The following DSCAML1 variants were observed in gnomAD, a reference collection of about 807,000 sequenced individuals.
The protein encoded by DSCAML1 is cell adhesion molecule DSCAML1.
In DSCAML1, 38 loss-of-function variants were observed where a neutral mutation model predicts 200.5. The observed-to-expected ratio is 0.19, with a 90% CI of 0.15 to 0.25. The LOEUF (loss-of-function observed/expected upper bound fraction) is 0.25, where lower values mean the gene tolerates loss of function less well. DSCAML1 is among the 10% of genes least tolerant of loss of function. DSCAML1 has a pLI of 1.00. For synonymous variants in DSCAML1, 1,215 were observed against 1,165.0 expected (o/e 1.04, Z -0.87); for missense variants, 2,223 against 2,858.8 (o/e 0.78, Z 5.07).
rs569050015 is a variant in DSCAML1 at position 117,542,138 on chromosome 11, C to T, written c.512-9616G>A. 1.2e-4 allele frequency among the ~76,000 whole-genome samples: 18 copies of T among 152,078 alleles called. No individual in the cohort carries two copies. The South Asian group carries it at 1.7e-3, about 14-fold the overall frequency. On this transcript the variant is annotated intron_variant, in intron 3 of 32. Transcript: ENST00000651296. ...CAGCCTGGGCAACATGGTGAAACCC[C>T]GTCTCTACTAAAATACAAAAATTAG...
intron 3 of DSCAML1, among the ~76,000 whole-genome samples, chr11:117,637,557 G>A (rs1312518883): frequency 1.3e-5 from 2 of 152,116 alleles, no homozygotes; most frequent in Non-Finnish European, 2.9e-5. Flanking sequence ...ATGTTGGTCA[G>A]TCTGGTCTCA....
Position 117,480,004 on chromosome 11 carries a change from C to G in DSCAML1, c.2785+439G>C, listed in dbSNP as rs1018250016. ...AGCTTTTCCAGGGCCTCCTATCCCC[C>G]ACTCATGGGGACCATTCTTAGGACC... On this transcript the variant is annotated intron_variant, in intron 14 of 32. Transcript: ENST00000651296. This position sits in a 1 kb window ranked among gnomAD's most constrained non-coding sequence, Gnocchi z 4.1. 6.6e-6 allele frequency among the ~76,000 whole-genome samples: 1 copy of G among 152,140 alleles called. No individual in the cohort carries two copies. Among genetic ancestry groups the G allele is most frequent in the Admixed American group, 6.5e-5 (1 of 15,282 alleles).
chr11:117,591,492 A>G (rs2051258532), intron 3 of DSCAML1, among the ~76,000 whole-genome samples: 1 of 152,252 alleles, frequency 6.6e-6, no homozygotes, highest in South Asian at 2.1e-4. Context: ...ACTGTATTGT[A>G]TCAGAGCTGC....
chr11:117,525,718 T>C (rs11605509), intron 4 of DSCAML1, among the ~76,000 whole-genome samples: 35,950 of 152,028 alleles, frequency 0.24, 4,461 homozygotes, highest in East Asian at 0.35. Flanking sequence ...CCTTGGCCTC[T>C]GAAAATGCTG....
At chr11:117,466,859 A>G (rs1208811428) in intron 16 of DSCAML1, among the ~76,000 whole-genome samples, 2 of 152,194 alleles carry the variant, frequency 1.3e-5, no homozygotes, top group Middle Eastern at 3.2e-3. Flanking sequence ...ATTTTAAGTT[A>G]TATGTATTTT....
intron 3 of DSCAML1, among the ~76,000 whole-genome samples, chr11:117,764,399 A>G (rs1054502375): frequency 1.3e-5 from 2 of 152,216 alleles, no homozygotes; most frequent in African/African-American, 4.8e-5. Flanking sequence ...TTTAATTAAA[A>G]TCAGTTTCTT....
intron 3 of DSCAML1, among the ~76,000 whole-genome samples, chr11:117,583,425 T>C (rs2137465395): frequency 6.6e-6 from 1 of 152,266 alleles, no homozygotes; most frequent in Middle Eastern, 3.4e-3. Flanking sequence ...TCTGACCTCA[T>C]CTCGCTCCGC....
Position 117,456,563 on chromosome 11 carries a change from A to G in DSCAML1, c.3568+2191T>C, listed in dbSNP as rs561785212. ...CCTCACAGGGCTCTTGGGCAGGTTA[A>G]GTCATATTATGACTGCTATTCTGGA... is the stretch of plus-strand genomic sequence containing the variant. On this transcript the variant is annotated intron_variant, in intron 19 of 32. Transcript: ENST00000651296. 2.6e-3 allele frequency among the ~76,000 whole-genome samples: 401 copies of G among 152,218 alleles called. 1 individual carries two copies. The highest frequency in any genetic ancestry group is 9.3e-3 in the African/African-American group (386 of 41,530).
chr11:117,450,742 G>A, intron 19 of DSCAML1, 54 bp from the exon 20 acceptor site: 1 of 1,580,838 alleles, frequency 6.3e-7, no homozygotes, highest in South Asian at 1.2e-5. Context: ...ACAGCCTTTG[G>A]GGAAAATGAC....
intron 3 of DSCAML1, among the ~76,000 whole-genome samples, chr11:117,769,294 ATTT>A (rs1565273677): frequency 1.9e-3 from 6 of 3,160 alleles, no homozygotes; most frequent in African/African-American, 2.2e-3. Flanking sequence ...TATTTTATAT[ATTT>A]ATATATATTT....
In DSCAML1 at chr11:117,480,017, C is replaced by T. The variant is rs748634976; in HGVS notation, c.2785+426G>A. On this transcript the variant is annotated intron_variant, in intron 14 of 32. Transcript: ENST00000651296. The surrounding 1 kb of genome is among the most constrained non-coding windows in gnomAD (Gnocchi z 4.1). ...CCTCCTATCCCCCACTCATGGGGAC[C>T]ATTCTTAGGACCAGCTCTCTGATCT... Among the ~76,000 whole-genome samples, 1 of 152,168 alleles carries T rather than the reference C, an allele frequency of 6.6e-6. No homozygotes were observed. The highest frequency in any genetic ancestry group is 2.1e-4 in the South Asian group (1 of 4,828).
chr11:117,756,609 T>C (rs1404835927), intron 3 of DSCAML1, among the ~76,000 whole-genome samples: 3 of 152,166 alleles, frequency 2.0e-5, no homozygotes, highest in Admixed American at 6.5e-5. Flanking sequence ...ATCTGGGTTG[T>C]AGAAAACTAT....
At chr11:117,785,438 G>A (rs952039250) in intron 1 of DSCAML1, among the ~76,000 whole-genome samples, 6 of 152,156 alleles carry the variant, frequency 3.9e-5, no homozygotes, top group African/African-American at 1.2e-4. Context: ...GGTGAGGCAT[G>A]CATGTTGGGG....
chr11:117,654,289 T>C (rs2052691344), intron 3 of DSCAML1, among the ~76,000 whole-genome samples: 1 of 152,202 alleles, frequency 6.6e-6, no homozygotes, highest in African/African-American at 2.4e-5. Flanking sequence ...GTTGCACATA[T>C]CTGTGAGTAT....
Position 117,458,690 on chromosome 11 carries a change from G to A in DSCAML1, c.3568+64C>T, listed in dbSNP as rs904804918. 4 of 1,579,758 alleles carry A rather than the reference G, an allele frequency of 2.5e-6. No individual in the cohort carries two copies. The African/African-American group carries it at 5.4e-5, about 21-fold the overall frequency. Reference sequence around the variant, plus strand: ...CCCTGCTCTCACCCTGCCTCCTGGGGTGGGGCTGGGGGTTAGCAGTGGGTG... The same window carrying A: ...CCCTGCTCTCACCCTGCCTCCTGGGATGGGGCTGGGGGTTAGCAGTGGGTG... On this transcript the variant is annotated intron_variant, in intron 19 of 32. Coordinates refer to ENST00000651296, the MANE Select transcript of DSCAML1 (RefSeq NM_020693.4).
intron 3 of DSCAML1, among the ~76,000 whole-genome samples, chr11:117,543,765 T>C (rs1256848220): frequency 1.3e-5 from 2 of 152,112 alleles, no homozygotes; most frequent in African/African-American, 4.8e-5. Flanking sequence ...TATGAAAGGC[T>C]GTTGTGATGT....
At chr11:117,751,774 C>T (rs1322257292) in intron 3 of DSCAML1, among the ~76,000 whole-genome samples, 1 of 152,154 alleles carries the variant, frequency 6.6e-6, no homozygotes, top group African/African-American at 2.4e-5. Context: ...GTCAAGGCAA[C>T]AGGAGTTGCA....
chr11:117,806,912 C>G (rs2055711154), intron 1 of DSCAML1, among the ~76,000 whole-genome samples: 1 of 152,172 alleles, frequency 6.6e-6, no homozygotes, highest in South Asian at 2.1e-4. Context: ...ATCTATGCTC[C>G]CCTCCCATCA....
chr11:117,717,206 C>T (rs1048919448), intron 3 of DSCAML1, among the ~76,000 whole-genome samples: 98 of 152,258 alleles, frequency 6.4e-4, no homozygotes, highest in African/African-American at 2.1e-3. Flanking sequence ...TGGTAGGGCC[C>T]GAGAGCGGCC....
Sources: gnomAD v4.1 joint callset for allele counts (sites outside exome capture counted in the v4.1 genomes callset) on GRCh38, gnomAD v4.1.1 for gene constraint, Gnocchi (gnomAD v3.1) non-coding constraint, MANE v1.5 for transcripts, NCBI Gene and HGNC (gene_info 2026-07-23, HGNC 2026-07-21) for gene names.